GPHN: variants seen among roughly 807,000 people sequenced by gnomAD.
GPHN encodes the protein gephyrin.
A neutral mutation model predicts 95.5 loss-of-function variants in GPHN; 17 were observed. The ratio of observed to expected loss-of-function variants is 0.18; its 90% CI spans 0.12 to 0.27. GPHN has a LOEUF of 0.27. Among genes scored for constraint, GPHN ranks in the 10% least tolerant of loss-of-function variants. The pLI, the probability that GPHN is intolerant of heterozygous loss-of-function variation, is 1.00. For synonymous variants in GPHN, 320 were observed against 322.5 expected (o/e 0.99, Z 0.08); for missense variants, 660 against 978.1 (o/e 0.67, Z 4.34).
rs1567401075 is a variant in GPHN, at chr14:67,144,278, T to TAC, written c.1836+830_1836+831insCA. Among the ~76,000 whole-genome samples the TAC allele has an allele frequency of 4.5e-4, 50 of 111,120 alleles. 3 individuals are homozygous for TAC. The East Asian group carries it at 7.0e-3, about 16-fold the overall frequency. 72.9% of individuals were successfully genotyped at this position (111,120 alleles called of 152,430 possible). A position where few individuals can be genotyped will look rare whatever the true frequency, so the allele number is the denominator to read the frequency against. On this transcript the variant is annotated intron_variant, in intron 18 of 22. Coordinates refer to ENST00000478722, the MANE Select transcript of GPHN (RefSeq NM_020806.5). ...ATATATATATATATATATATATATA[T>TAC]ATATATATACACACACACATACACA... is the stretch of plus-strand genomic sequence containing the variant.
chr14:67,003,342 A>T (rs939795169), intron 9 of GPHN, among the ~76,000 whole-genome samples: 4 of 151,712 alleles, frequency 2.6e-5, no homozygotes, highest in Non-Finnish European at 5.9e-5. Context: ...TAATTAGCTG[A>T]TATTACACTA....
the GPHN span, among the ~76,000 whole-genome samples, chr14:67,678,656 T>C: frequency 6.6e-6 from 1 of 152,234 alleles, no homozygotes; most frequent in African/African-American, 2.4e-5. Flanking sequence ...TTGTTTGATA[T>C]ATAATGCATA....
intron 11 of GPHN, among the ~76,000 whole-genome samples, chr14:67,077,396 G>C (rs1027155817): frequency 3.9e-5 from 6 of 152,122 alleles, no homozygotes; most frequent in African/African-American, 1.4e-4. Context: ...CTATTTGAAT[G>C]CATTTTTGAC....
the GPHN span, among the ~76,000 whole-genome samples, chr14:67,701,398 A>T: frequency 6.6e-6 from 1 of 151,194 alleles, no homozygotes; most frequent in African/African-American, 2.4e-5. Context: ...ACATTTAAAA[A>T]AATTTTAAAG....
chr14:67,179,565 C>A lies in GPHN; in HGVS notation c.2080-13C>A. ...GTGACCAAGTTTGTTTTCTTTTCTA[C>A]TTTATTCTGTAGTTATCATGTGATG... On this transcript the variant is annotated splice_polypyrimidine_tract_variant and intron_variant, in intron 21 of 22. Transcript: ENST00000478722. 6.7e-7 allele frequency: 1 copy of A among 1,499,568 alleles called. No individual in the cohort carries two copies. Among genetic ancestry groups the A allele is most frequent in the Non-Finnish European group, 9.3e-7 (1 of 1,075,764 alleles). The allele number at this position is 1,499,568 out of a possible 1,614,324, so 92.9% of individuals were successfully genotyped here. A position where few individuals can be genotyped will look rare whatever the true frequency, so the allele number is the denominator to read the frequency against.
the GPHN span, among the ~76,000 whole-genome samples, chr14:67,538,769 T>A: frequency 6.6e-6 from 1 of 152,194 alleles, no homozygotes; most frequent in Admixed American, 6.5e-5. Context: ...ATCCTCTCCA[T>A]CCCCAAGGCA....
chr14:67,694,922 G>A, the GPHN span, among the ~76,000 whole-genome samples: 1 of 152,082 alleles, frequency 6.6e-6, no homozygotes, highest in Admixed American at 6.6e-5. Flanking sequence ...GCAGGCTGCC[G>A]GTTTTACAGC....
chr14:67,107,442 C>G (rs190654072), intron 13 of GPHN, among the ~76,000 whole-genome samples: 2 of 152,222 alleles, frequency 1.3e-5, no homozygotes, highest in African/African-American at 4.8e-5. Flanking sequence ...GACTGAGGCA[C>G]CCCCTAGCAG....
chr14:66,648,270 G>A (rs1164893778), intron 1 of GPHN, among the ~76,000 whole-genome samples: 1 of 152,080 alleles, frequency 6.6e-6, no homozygotes, highest in South Asian at 2.1e-4. Context: ...AAGAAATAAT[G>A]TTAGTCAAAG....
At chr14:67,584,213 C>T in the GPHN span, 1 of 1,348,416 alleles carries the variant, frequency 7.4e-7, no homozygotes, top group Non-Finnish European at 1.0e-6. Flanking sequence ...GCCCCTACCT[C>T]CATACCAGTA....
At chr14:66,884,318 G>A (rs944476611) in intron 5 of GPHN, among the ~76,000 whole-genome samples, 6 of 152,136 alleles carry the variant, frequency 3.9e-5, no homozygotes, top group South Asian at 2.1e-4. Context: ...TACATTAAAC[G>A]TCATCAGGTA....
chr14:66,698,238 C>T (rs2068247477), intron 2 of GPHN, among the ~76,000 whole-genome samples: 1 of 152,042 alleles, frequency 6.6e-6, no homozygotes, highest in Non-Finnish European at 1.5e-5. Context: ...TAAACTGAGT[C>T]ATTCTGCTTG....
At chr14:67,366,022 C>G in the GPHN span, among the ~76,000 whole-genome samples, 182 of 151,736 alleles carry the variant, frequency 1.2e-3, 2 homozygotes, top group Admixed American at 1.2e-3. Context: ...ATTTGTTAAA[C>G]TTAGGTAAGT....
chr14:67,364,802 A>G, the GPHN span: 5 of 1,613,872 alleles, frequency 3.1e-6, no homozygotes, highest in African/African-American at 1.3e-5. Context: ...TATCAACACA[A>G]ATTTCCTGAG....
At chr14:67,399,189 G>A in the GPHN span, among the ~76,000 whole-genome samples, 7 of 151,322 alleles carry the variant, frequency 4.6e-5, no homozygotes, top group East Asian at 1.3e-3. Context: ...GAGAAGGGTA[G>A]TTTAGGTGGT....
At chr14:66,640,692 T>A (rs2064345538) in intron 1 of GPHN, among the ~76,000 whole-genome samples, 3 of 152,202 alleles carry the variant, frequency 2.0e-5, no homozygotes, top group Non-Finnish European at 4.4e-5. Context: ...AAGTAAATAT[T>A]TGATTTTAGG....
intron 9 of GPHN, among the ~76,000 whole-genome samples, chr14:67,019,764 T>C (rs2073504987): frequency 6.6e-6 from 1 of 152,100 alleles, no homozygotes; most frequent in South Asian, 2.1e-4. Context: ...GGAACGGTGA[T>C]CAAAATTCCA....
At chr14:66,763,860 G>A (rs1272699707) in intron 2 of GPHN, among the ~76,000 whole-genome samples, 1 of 152,036 alleles carries the variant, frequency 6.6e-6, no homozygotes, top group East Asian at 1.9e-4. Context: ...CCTTTTGTCA[G>A]ATCAGTGGCA....
chr14:67,077,234 G>A (rs1188690628), intron 11 of GPHN, among the ~76,000 whole-genome samples: 4 of 151,876 alleles, frequency 2.6e-5, no homozygotes, highest in Non-Finnish European at 4.4e-5. Context: ...ATATTTTTGT[G>A]GTCTGTTGAT....
Sources: allele counts gnomAD v4.1 joint callset (sites outside exome capture counted in the v4.1 genomes callset), GRCh38; gene constraint gnomAD v4.1.1; transcripts MANE v1.5; gene names NCBI Gene and HGNC (gene_info 2026-07-23, HGNC 2026-07-21).